Variants in RAP1GAP2 observed in about 807,000 individuals in gnomAD.
RAP1GAP2 encodes the protein rap1 GTPase-activating protein 2.
RAP1GAP2 carries 27 observed loss-of-function variants against 95.0 expected under a neutral mutation model. The ratio of observed to expected loss-of-function variants is 0.28; its 90% CI spans 0.21 to 0.39. The LOEUF (loss-of-function observed/expected upper bound fraction) is 0.39. Among genes scored for constraint, RAP1GAP2 ranks in the 10% least tolerant of loss-of-function variants. RAP1GAP2 has a pLI of 1.00. For synonymous variants in RAP1GAP2, 373 were observed against 380.9 expected, an observed-to-expected ratio of 0.98 and a Z score of 0.24; for missense variants, 771 against 970.0, an observed-to-expected ratio of 0.79 and a Z score of 2.72.
In RAP1GAP2 at chr17:2,919,058, T is replaced by G. The variant is rs78439922; in HGVS notation, c.165+13690T>G. On this transcript the variant is annotated intron_variant, in intron 3 of 24. Transcript: ENST00000254695. ...TGTCAGGACGCCCTGATTTCTGCCC[T>G]GCCAGGTGCCCACAGCTGAGGGGCC... Among the ~76,000 whole-genome samples the G allele has an allele frequency of 2.0e-3, 305 of 152,264 alleles. 5 individuals carry two copies. The East Asian group carries it at 0.049, about 24-fold the overall frequency.
At chr17:2,805,327 G>C (rs1437302843) in intron 2 of RAP1GAP2, among the ~76,000 whole-genome samples, 1 of 152,056 alleles carries the variant, frequency 6.6e-6, no homozygotes, top group East Asian at 1.9e-4. Flanking sequence ...GGGAGGATCT[G>C]AGCTGGGAGC....
intron 2 of RAP1GAP2, among the ~76,000 whole-genome samples, chr17:2,841,404 C>T (rs978105264): frequency 1.3e-5 from 2 of 148,666 alleles, no homozygotes; most frequent in Admixed American, 6.7e-5. Context: ...CCCAGGTTCA[C>T]GCCATTCTCC....
intron 2 of RAP1GAP2, among the ~76,000 whole-genome samples, chr17:2,818,350 A>T (rs2070129698): frequency 7.1e-6 from 1 of 140,550 alleles, no homozygotes; most frequent in African/African-American, 2.6e-5. Context: ...TATTTTTGAG[A>T]CGGAGTCTCT....
chr17:3,009,862 C>A (rs902182391), intron 17 of RAP1GAP2, among the ~76,000 whole-genome samples: 2 of 151,908 alleles, frequency 1.3e-5, no homozygotes, highest in East Asian at 3.9e-4. Context: ...GACAACCCAG[C>A]GAGAGAATGG....
Position 2,903,958 on chromosome 17 carries a change from C to T in RAP1GAP2, c.81-1326C>T, listed in dbSNP as rs933063419. ...AGGTGTGGGGTTGGAACTGTCGCTTCGCTGGCAGGACTTGGGCTGGGAAGA... is the reference window on the plus strand; with the variant it reads ...AGGTGTGGGGTTGGAACTGTCGCTTTGCTGGCAGGACTTGGGCTGGGAAGA... On this transcript the variant is annotated intron_variant, in intron 2 of 24. Transcript: ENST00000254695. This position sits in a 1 kb window ranked among gnomAD's most constrained non-coding sequence, Gnocchi z 4.1. Among the ~76,000 whole-genome samples, 4 of 152,118 alleles carry T rather than the reference C, an allele frequency of 2.6e-5. No individual in the cohort carries two copies. Among genetic ancestry groups the T allele is most frequent in the African/African-American group, 7.2e-5 (3 of 41,418 alleles).
At chr17:2,792,245 G>T (rs201919100), upstream of RAP1GAP2, among the ~76,000 whole-genome samples, 1 of 152,176 alleles carries the variant, frequency 6.6e-6, no homozygotes, top group African/African-American at 2.4e-5. Context: ...GGAATCACAG[G>T]GTCAGAGCAG....
intron 1 of RAP1GAP2, among the ~76,000 whole-genome samples, chr17:2,765,968 C>A (rs187873402): frequency 3.3e-5 from 5 of 151,928 alleles, no homozygotes; most frequent in African/African-American, 1.2e-4. Context: ...GAACCTGTCT[C>A]CAAACAAACA....
intron 2 of RAP1GAP2, among the ~76,000 whole-genome samples, chr17:2,873,305 C>A (rs1025215379): frequency 6.5e-3 from 614 of 94,980 alleles, no homozygotes; most frequent in Non-Finnish European, 8.1e-3. Context: ...ACCAAAAATA[C>A]AAAAAAAAAA....
chr17:3,037,260 C>T lies in RAP1GAP2; in HGVS notation c.*3899C>T, dbSNP rs952812153. 3.3e-5 allele frequency: 5 copies of T among 152,298 alleles called. No homozygotes were observed. Among genetic ancestry groups the T allele is most frequent in the African/African-American group, 1.2e-4 (5 of 41,318 alleles). The allele number at this position is 152,298 out of a possible 1,614,324, so 9.4% of individuals were successfully genotyped here. On this transcript the variant is annotated 3_prime_UTR_variant, in exon 25 of 25. Coordinates refer to ENST00000254695, the MANE Select transcript of RAP1GAP2 (RefSeq NM_015085.5). ...AGAGGCTGTGGGGCAGCGGCTCTGT[C>T]CTGTGCCTTACCAGCCCTGGGGAGG...
At chr17:3,016,538 A>G (rs2046773116) in intron 17 of RAP1GAP2, among the ~76,000 whole-genome samples, 11 of 152,260 alleles carry the variant, frequency 7.2e-5, no homozygotes, top group Admixed American at 7.2e-4. Context: ...TGGGTCTTTC[A>G]GCATCGCCCA....
intron 2 of RAP1GAP2, among the ~76,000 whole-genome samples, chr17:2,841,857 C>T (rs928402414): frequency 2.0e-5 from 3 of 152,156 alleles, no homozygotes; most frequent in Non-Finnish European, 4.4e-5. Context: ...TCCCTGGGGT[C>T]ACGGCTTTTC....
At chr17:2,877,482 T>C (rs1202622514) in intron 2 of RAP1GAP2, among the ~76,000 whole-genome samples, 1 of 152,134 alleles carries the variant, frequency 6.6e-6, no homozygotes, top group African/African-American at 2.4e-5. Context: ...GTGTGGTGGC[T>C]CACACCTGTA....
chr17:2,901,150 C>T (rs1441691566), intron 2 of RAP1GAP2, among the ~76,000 whole-genome samples: 1 of 152,190 alleles, frequency 6.6e-6, no homozygotes, highest in Middle Eastern at 3.2e-3. Context: ...GTCCTGGTCT[C>T]CCTGAGCCTC....
chr17:2,981,225 T>C lies in RAP1GAP2; in HGVS notation c.706T>C (p.Phe236Leu), dbSNP rs2045345072. Residue 236 changes from phenylalanine to leucine, a missense_variant, in exon 10 of 25, where the codon TTC becomes CTC. By Grantham distance (22) the Phe-to-Leu change is conservative. Transcript: ENST00000254695. ...AFCDDAVGLR[F>L]NPVLYPKASQ... is the part of the protein sequence containing the mutation. ...CTGTGATGATGCAGTGGGACTGAGA[T>C]TCAATCCTGTCCTGTACCCCAAGGT... 6.2e-7 allele frequency: 1 copy of C among 1,612,404 alleles called. No homozygotes were observed.
At chr17:2,831,517 G>A (rs957433040) in intron 2 of RAP1GAP2, among the ~76,000 whole-genome samples, 1 of 151,644 alleles carries the variant, frequency 6.6e-6, no homozygotes, top group Non-Finnish European at 1.5e-5. Flanking sequence ...TAACTGTGTA[G>A]TATTTAACGG....
At chr17:3,006,127 T>TC in intron 16 of RAP1GAP2, 86 bp downstream of exon 16, 1 of 954,508 alleles carries the variant, frequency 1.0e-6, no homozygotes, top group East Asian at 2.6e-5. Flanking sequence ...CATCTTTTTT[T>TC]TTTTTTTTTT....
At chr17:2,968,833 GA>G (rs1300119902) in intron 8 of RAP1GAP2, among the ~76,000 whole-genome samples, 4 of 151,704 alleles carry the variant, frequency 2.6e-5, no homozygotes, top group Non-Finnish European at 5.9e-5. Flanking sequence ...AAATTGTTAA[GA>G]AAAAAATTAG....
intron 3 of RAP1GAP2, among the ~76,000 whole-genome samples, chr17:2,956,168 C>G (rs957907866): frequency 6.6e-6 from 1 of 152,214 alleles, no homozygotes; most frequent in African/African-American, 2.4e-5. Context: ...GCATGTGCAC[C>G]TGAGCAAGTT....
chr17:3,010,170 T>C (rs1047384465), intron 17 of RAP1GAP2, among the ~76,000 whole-genome samples: 14 of 151,692 alleles, frequency 9.2e-5, no homozygotes, highest in Non-Finnish European at 1.9e-4. Context: ...TGAAACCTCG[T>C]CTCCACTAAA....
Sources: gnomAD v4.1 joint callset for allele counts (sites outside exome capture counted in the v4.1 genomes callset) on GRCh38, gnomAD v4.1.1 for gene constraint, Gnocchi (gnomAD v3.1) non-coding constraint, MANE v1.5 for transcripts, NCBI Gene and HGNC (gene_info 2026-07-23, HGNC 2026-07-21) for gene names.